Variants in MED13L observed in about 807,000 individuals in gnomAD.
MED13L encodes the protein mediator complex subunit 13L, also known as mediator of RNA polymerase II transcription subunit 13-like.
A neutral mutation model predicts 220.9 loss-of-function variants in MED13L; 7 were observed. The ratio of observed to expected loss-of-function variants is 0.03; its 90% CI spans 0.02 to 0.06. MED13L has a LOEUF of 0.06. Among genes scored for constraint, MED13L ranks in the 10% least tolerant of loss-of-function variants. The probability of loss-of-function intolerance (pLI) is 1.00; values close to 1 mark genes in which losing one functional copy is unlikely to be tolerated. For missense variants in MED13L, 1,965 were observed against 2,760.5 expected (o/e 0.71, Z 6.46); for synonymous variants, 1,011 against 1,015.2 (o/e 1.00, Z 0.08).
intron 2 of MED13L, among the ~76,000 whole-genome samples, chr12:116,178,284 A>G (rs1880230253): frequency 6.6e-6 from 1 of 152,218 alleles, no homozygotes; most frequent in African/African-American, 2.4e-5. Flanking sequence ...AAAGACTGGT[A>G]AAAGTATTTT....
chr12:115,973,708 C>G (rs535442404), intron 25 of MED13L, among the ~76,000 whole-genome samples: 3 of 152,098 alleles, frequency 2.0e-5, no homozygotes, highest in Non-Finnish European at 4.4e-5. Flanking sequence ...ATAGAAAATT[C>G]TGACAGAAAT....
chr12:116,218,276 T>C (rs1376192246), intron 2 of MED13L, among the ~76,000 whole-genome samples: 2 of 152,088 alleles, frequency 1.3e-5, no homozygotes, highest in Non-Finnish European at 2.9e-5. Context: ...CTCAAGAATA[T>C]CCAATAACCT....
intron 4 of MED13L, among the ~76,000 whole-genome samples, chr12:116,088,188 T>G (rs189237506): frequency 1.3e-5 from 2 of 152,078 alleles, no homozygotes; most frequent in Non-Finnish European, 2.9e-5. Context: ...GTTTGTAGCA[T>G]AGGGCAGACT....
At chr12:116,060,975 T>C (rs1258609108) in intron 4 of MED13L, among the ~76,000 whole-genome samples, 1 of 152,186 alleles carries the variant, frequency 6.6e-6, no homozygotes, top group Non-Finnish European at 1.5e-5. Flanking sequence ...TGGGCATATG[T>C]GTCTTCTTTT....
intron 5 of MED13L, among the ~76,000 whole-genome samples, chr12:116,021,159 A>G (rs1880038760): frequency 6.6e-6 from 1 of 152,190 alleles, no homozygotes; most frequent in Non-Finnish European, 1.5e-5. Context: ...ATGGAAAATA[A>G]GCAGAATAAT....
intron 16 of MED13L, among the ~76,000 whole-genome samples, chr12:115,993,733 G>A (rs1366717075): frequency 2.0e-5 from 3 of 152,192 alleles, no homozygotes; most frequent in African/African-American, 7.2e-5. Flanking sequence ...AGTACTAACT[G>A]AAAACCTAAA....
At chr12:115,984,515 A>G (rs1249529393) in intron 19 of MED13L, 143 bp from the exon 20 acceptor site, 2 of 878,568 alleles carry the variant, frequency 2.3e-6, no homozygotes, top group Non-Finnish European at 3.5e-6. Context: ...TCAAACCAAC[A>G]TTACAAGTTG....
chr12:116,133,317 A>G (rs949671682), intron 2 of MED13L, among the ~76,000 whole-genome samples: 1 of 152,226 alleles, frequency 6.6e-6, no homozygotes, highest in Non-Finnish European at 1.5e-5. Flanking sequence ...AACATTGCCT[A>G]AAAGTCCAAT....
Position 116,119,539 on chromosome 12 carries a change from G to A in MED13L, c.311-8027C>T, listed in dbSNP as rs181095363. ...TGATTCTAATCTCCATTTTATACAT[G>A]AGAAAACTAACACTTAATCTTAAGA... On this transcript the variant is annotated intron_variant, in intron 2 of 30. Coordinates refer to ENST00000281928, the MANE Select transcript of MED13L (RefSeq NM_015335.5). Among the ~76,000 whole-genome samples, 921 of 152,024 alleles carry A rather than the reference G, an allele frequency of 6.1e-3. 7 individuals are homozygous for A. Among genetic ancestry groups the A allele is most frequent in the South Asian group, 0.016 (76 of 4,814 alleles).
At chr12:116,255,749 G>A (rs1871986692) in intron 1 of MED13L, among the ~76,000 whole-genome samples, 1 of 152,150 alleles carries the variant, frequency 6.6e-6, no homozygotes. Context: ...GACTTAATAT[G>A]CACATGCAAT....
intron 2 of MED13L, among the ~76,000 whole-genome samples, chr12:116,122,447 A>T (rs1875182753): frequency 6.6e-6 from 1 of 152,198 alleles, no homozygotes; most frequent in Admixed American, 6.6e-5. Context: ...CTTATTACTT[A>T]TATCAACTTC....
intron 4 of MED13L, among the ~76,000 whole-genome samples, chr12:116,088,097 G>A (rs1020627420): frequency 3.9e-5 from 6 of 152,176 alleles, no homozygotes; most frequent in East Asian, 3.9e-4. Flanking sequence ...TTTACCACCA[G>A]AAGGAGGAAA....
In MED13L at chr12:115,980,333, G is replaced by A. The variant is rs77569431; in HGVS notation, c.5364+417C>T. ...AAGAGTTAAAGAAACCTGCCAACTC[G>A]TTTTTATTCCCCCCTGAGACAGGGT... On this transcript the variant is annotated intron_variant, in intron 23 of 30. Coordinates refer to ENST00000281928, the MANE Select transcript of MED13L (RefSeq NM_015335.5). 7.9e-3 allele frequency: 1,419 copies of A among 180,422 alleles called. 19 individuals are homozygous for A. The highest frequency in any genetic ancestry group is 0.031 in the African/African-American group (1,296 of 42,342). 11.2% of individuals were successfully genotyped at this position (180,422 alleles called of 1,614,324 possible). A position where few individuals can be genotyped will look rare whatever the true frequency, so the allele number is the denominator to read the frequency against.
intron 17 of MED13L, among the ~76,000 whole-genome samples, chr12:115,987,563 T>C (rs1429454550): frequency 6.6e-6 from 1 of 152,198 alleles, no homozygotes; most frequent in African/African-American, 2.4e-5. Flanking sequence ...GAAAAATGGA[T>C]AGGTGCGACT....
intron 1 of MED13L, among the ~76,000 whole-genome samples, chr12:116,242,048 CTTTTT>C (rs767214989): frequency 2.8e-5 from 3 of 106,646 alleles, no homozygotes; most frequent in East Asian, 2.8e-4. Context: ...GTTCTTTTGT[CTTTTT>C]TTTTTTTTTT....
Position 116,237,707 on chromosome 12 carries a change from TG to T in MED13L, c.73-3del. The stretch of plus-strand genomic sequence containing the variant: ...CCATTTGATTCCCGTGAGTTCAGCC[TG>T]GAAAAAGACAAAAAATTGTAATCGT... On this transcript the variant is annotated splice_region_variant and splice_polypyrimidine_tract_variant and intron_variant, in intron 1 of 30. Transcript: ENST00000281928. 6.2e-7 allele frequency: 1 copy of T among 1,613,488 alleles called. No individual in the cohort carries two copies. The highest frequency in any genetic ancestry group is 8.5e-7 in the Non-Finnish European group (1 of 1,179,386).
chr12:116,073,264 C>A (rs970110759), intron 4 of MED13L, among the ~76,000 whole-genome samples: 7 of 152,096 alleles, frequency 4.6e-5, no homozygotes, highest in Admixed American at 6.5e-5. Context: ...GCAGAAAGTT[C>A]TTTCTACTGA....
At chr12:116,271,383 G>A (rs1167048202) in intron 1 of MED13L, among the ~76,000 whole-genome samples, 2 of 152,046 alleles carry the variant, frequency 1.3e-5, no homozygotes, top group African/African-American at 4.8e-5. Context: ...GAGGTCAGGA[G>A]ATCGAGACCA....
chr12:116,225,278 T>C (rs1355954511), intron 2 of MED13L, among the ~76,000 whole-genome samples: 1 of 152,152 alleles, frequency 6.6e-6, no homozygotes, highest in Non-Finnish European at 1.5e-5. Context: ...GGTATGTGCT[T>C]ACTGGGGATG....
Sources: gnomAD v4.1 joint callset for allele counts (sites outside exome capture counted in the v4.1 genomes callset) on GRCh38, gnomAD v4.1.1 for gene constraint, MANE v1.5 for transcripts, NCBI Gene and HGNC (gene_info 2026-07-23, HGNC 2026-07-21) for gene names.